SLC12A8: variants seen among roughly 807,000 people sequenced by gnomAD.
SLC12A8 encodes the protein cation-chloride cotransporter 9.
A neutral mutation model predicts 75.6 loss-of-function variants in SLC12A8; 69 were observed. The observed-to-expected ratio is 0.91, with a 90% CI of 0.75 to 1.11. The LOEUF is 1.11. Ranked by LOEUF, SLC12A8 falls within the 50% of genes most tolerant of loss-of-function variation. SLC12A8 has a pLI of 0.00. For synonymous variants in SLC12A8, 365 were observed against 372.8 expected (o/e 0.98, Z 0.24); for missense variants, 877 against 896.7 (o/e 0.98, Z 0.28).
At chr3:125,175,392 T>G (rs955332984) in intron 5 of SLC12A8, among the ~76,000 whole-genome samples, 1 of 152,202 alleles carries the variant, frequency 6.6e-6, no homozygotes, top group Admixed American at 6.5e-5. Flanking sequence ...CAAAAACAGA[T>G]TCTTGAGGAG....
At chr3:125,157,249 C>T (rs1934069981) in intron 5 of SLC12A8, among the ~76,000 whole-genome samples, 1 of 152,128 alleles carries the variant, frequency 6.6e-6, no homozygotes, top group Admixed American at 6.5e-5. Context: ...TATCTACTCA[C>T]ATATATGAAT....
In SLC12A8 at chr3:125,108,059, A is replaced by G; in HGVS notation, c.1127T>C (p.Phe376Ser). The G allele has an allele frequency of 1.9e-6, 3 of 1,614,200 alleles. No individual in the cohort carries two copies. The highest frequency in any genetic ancestry group is 1.7e-6 in the Non-Finnish European group (2 of 1,180,032). The change falls in exon 10 of 14, where the codon TTT becomes TCT. Residue 376 changes from phenylalanine (F) to serine (S), a missense_variant. Phe to Ser is a radical substitution (Grantham distance 155). Coordinates refer to ENST00000469902, the MANE Select transcript of SLC12A8 (RefSeq NM_024628.6). ...LTSLVTMAFV[F>S]VGQVNVLAPI... is the part of the protein sequence containing the mutation. ...GGCCAGAACGTTCACTTGACCCACA[A>G]AAACAAAGGCCATGGTCACCAAGCT...
intron 9 of SLC12A8, among the ~76,000 whole-genome samples, chr3:125,109,665 C>T (rs1939139410): frequency 6.6e-6 from 1 of 152,204 alleles, no homozygotes; most frequent in African/African-American, 2.4e-5. Context: ...CATGTCTCAA[C>T]TGAGCTGCCC....
intron 6 of SLC12A8, among the ~76,000 whole-genome samples, chr3:125,131,073 C>G (rs1008118276): frequency 6.6e-6 from 1 of 152,228 alleles, no homozygotes; most frequent in African/African-American, 2.4e-5. Flanking sequence ...GGAAGAGAGG[C>G]TGGGAAACAT....
At chr3:125,142,671 C>T (rs777295190) in intron 5 of SLC12A8, among the ~76,000 whole-genome samples, 6 of 152,216 alleles carry the variant, frequency 3.9e-5, no homozygotes, top group Admixed American at 1.3e-4. Context: ...TTTGAGTCAG[C>T]GAGACCGGCA....
chr3:125,195,323 GT>G (rs1333083139), intron 2 of SLC12A8, among the ~76,000 whole-genome samples: 5 of 152,312 alleles, frequency 3.3e-5, no homozygotes, highest in Non-Finnish European at 7.4e-5. Context: ...CTGTTTTGTA[GT>G]GGGAGTTCCA....
intron 2 of SLC12A8, among the ~76,000 whole-genome samples, chr3:125,202,125 G>A (rs1935134134): frequency 1.3e-5 from 2 of 152,208 alleles, no homozygotes; most frequent in Non-Finnish European, 2.9e-5. Flanking sequence ...GGCCAGGCTA[G>A]TCTCGAACTC....
intron 2 of SLC12A8, chr3:125,206,942 G>A (rs1025529408): frequency 2.0e-5 from 3 of 152,284 alleles, no homozygotes; most frequent in Non-Finnish European, 4.4e-5. Flanking sequence ...CCACCCCCAG[G>A]ATGGAATCAT....
intron 5 of SLC12A8, among the ~76,000 whole-genome samples, chr3:125,144,211 C>T (rs573616798): frequency 1.5e-4 from 23 of 152,316 alleles, no homozygotes; most frequent in African/African-American, 4.8e-4. Flanking sequence ...TGTCTACTTC[C>T]GCTGCATACC....
chr3:125,190,628 G>T, intron 2 of SLC12A8, 107 bp from the exon 3 acceptor site: 1 of 1,332,096 alleles, frequency 7.5e-7, no homozygotes, highest in Non-Finnish European at 1.1e-6. Context: ...CTTAAAAACA[G>T]TCCTGTCTTA....
At chr3:125,120,317 C>CG (rs1933019140) in intron 7 of SLC12A8, among the ~76,000 whole-genome samples, 1 of 93,228 alleles carries the variant, frequency 1.1e-5, no homozygotes, top group Non-Finnish European at 2.2e-5. Context: ...GGGGGAGGGA[C>CG]GGGGGCGGGA....
At chr3:125,110,444 T>C (rs1403534754) in intron 8 of SLC12A8, 109 bp from the exon 9 acceptor site, 1 of 1,064,940 alleles carries the variant, frequency 9.4e-7, no homozygotes, top group Non-Finnish European at 1.3e-6. Context: ...CTGAGTCGTC[T>C]AGATCTGATC....
intron 5 of SLC12A8, among the ~76,000 whole-genome samples, chr3:125,174,553 T>C (rs549467546): frequency 6.6e-6 from 1 of 152,344 alleles, no homozygotes; most frequent in African/African-American, 2.4e-5. Context: ...GTTTTATTAA[T>C]AATTGCCAAA....
intron 6 of SLC12A8, 30 bp downstream of exon 6, chr3:125,135,639 G>T: frequency 1.4e-6 from 2 of 1,452,890 alleles, no homozygotes; most frequent in Non-Finnish European, 1.9e-6. Context: ...CCCCTAATTT[G>T]AGAGTAAAAA....
intron 5 of SLC12A8, among the ~76,000 whole-genome samples, chr3:125,176,675 G>T (rs1934535779): frequency 6.6e-6 from 1 of 151,906 alleles, no homozygotes; most frequent in Non-Finnish European, 1.5e-5. Context: ...GATATGAACA[G>T]ACACTTCTCA....
chr3:125,086,947 T>C (rs1938473620), intron 13 of SLC12A8, among the ~76,000 whole-genome samples: 1 of 152,200 alleles, frequency 6.6e-6, no homozygotes, highest in Non-Finnish European at 1.5e-5. Flanking sequence ...TGTGAAGAGT[T>C]GTCTTAAATA....
In SLC12A8 at chr3:125,140,723, CT is replaced by C. The variant is rs10707373; in HGVS notation, c.623-4942del. Among the ~76,000 whole-genome samples the C allele has an allele frequency of 1.0e-3, 153 of 151,588 alleles. 1 individual carries two copies. Among genetic ancestry groups the C allele is most frequent in the Admixed American group, 6.1e-3 (93 of 15,216 alleles). On this transcript the variant is annotated intron_variant, in intron 5 of 13. Coordinates refer to ENST00000469902, the MANE Select transcript of SLC12A8 (RefSeq NM_024628.6). ...TTTTTTTTTTTCTTTTCTTTCTTTC[CT>C]TTTTTTTCTTAAAGAGGCAGGGTCT...
intron 10 of SLC12A8, among the ~76,000 whole-genome samples, chr3:125,094,557 A>G (rs79572333): frequency 0.017 from 2,599 of 152,244 alleles, 53 homozygotes; most frequent in East Asian, 0.088. Context: ...CCAGGATCCC[A>G]TCCCTTTTGG....
Position 125,199,361 on chromosome 3 carries a change from G to GT in SLC12A8, c.52-8841dup, listed in dbSNP as rs568041948. 1.1e-3 allele frequency among the ~76,000 whole-genome samples: 163 copies of GT among 152,244 alleles called. 1 individual carries two copies. Among genetic ancestry groups the GT allele is most frequent in the African/African-American group, 3.2e-3 (134 of 41,536 alleles). The stretch of plus-strand genomic sequence containing the variant: ...TTTATTGTATTATTACAACTTTTCT[G>GT]TAAGTGTAAAATTTTGTCAAATAAA... On this transcript the variant is annotated intron_variant, in intron 2 of 13. Coordinates refer to ENST00000469902, the MANE Select transcript of SLC12A8 (RefSeq NM_024628.6).
Sources: gnomAD v4.1 joint callset for allele counts (sites outside exome capture counted in the v4.1 genomes callset) on GRCh38, gnomAD v4.1.1 for gene constraint, MANE v1.5 for transcripts, NCBI Gene and HGNC (gene_info 2026-07-23, HGNC 2026-07-21) for gene names.